The following FBXO10 variants were observed in gnomAD, a reference collection of about 807,000 sequenced individuals.
FBXO10 encodes F-box only protein 10.
In FBXO10, 39 loss-of-function variants were observed where a neutral mutation model predicts 80.7. The ratio of observed to expected loss-of-function variants is 0.48; its 90% CI spans 0.37 to 0.63. The LOEUF is 0.63. Ranked by LOEUF, FBXO10 falls within the 30% of genes least tolerant of loss-of-function variation. The pLI, the probability that FBXO10 is intolerant of heterozygous loss-of-function variation, is 0.00. For missense variants in FBXO10, 1,025 were observed against 1,269.0 expected (o/e 0.81, Z 2.92); for synonymous variants, 449 against 489.6 (o/e 0.92, Z 1.09).
Position 37,532,099 on chromosome 9 carries a change from A to C in FBXO10, c.1420-41T>G, listed in dbSNP as rs1332773022. On this transcript the variant is annotated intron_variant, in intron 3 of 10. Transcript: ENST00000432825. The stretch of plus-strand genomic sequence containing the variant: ...AAAGCCATTTATTTTCCTGTTACAA[A>C]TATTTTTTTAGAAACCACTGGAGGA... 8 of 1,579,932 alleles carry C rather than the reference A, an allele frequency of 5.1e-6. 1 individual carries two copies. The highest frequency in any genetic ancestry group is 6.9e-6 in the Non-Finnish European group (8 of 1,161,322).
At chr9:37,557,408 GT>G (rs998402276) in intron 1 of FBXO10, among the ~76,000 whole-genome samples, 1 of 152,174 alleles carries the variant, frequency 6.6e-6, no homozygotes, top group Non-Finnish European at 1.5e-5. Flanking sequence ...TAATTTGAAT[GT>G]TGCTTTTCTC....
At chr9:37,552,967 A>G (rs1333309862) in intron 1 of FBXO10, among the ~76,000 whole-genome samples, 20 of 151,796 alleles carry the variant, frequency 1.3e-4, no homozygotes, top group Admixed American at 1.2e-3. Flanking sequence ...CAATACATAC[A>G]TTTTGGGGGG....
intron 9 of FBXO10, among the ~76,000 whole-genome samples, chr9:37,517,625 G>A (rs952408843): frequency 1.5e-4 from 22 of 151,022 alleles, no homozygotes; most frequent in African/African-American, 5.1e-4. Flanking sequence ...TGGGAGGTGG[G>A]AGCTCAGGGA....
intron 1 of FBXO10, among the ~76,000 whole-genome samples, chr9:37,574,567 A>T (rs2119214581): frequency 6.6e-6 from 1 of 152,292 alleles, no homozygotes; most frequent in Middle Eastern, 3.4e-3. Context: ...AAAAGCCCTG[A>T]TAAAGCAGCT....
At chr9:37,522,617 C>G (rs1588826929) in intron 7 of FBXO10, 1 of 1,270,050 alleles carries the variant, frequency 7.9e-7, no homozygotes, top group East Asian at 2.7e-5. Flanking sequence ...TTCTGCTTTG[C>G]TAACCCCACG....
chr9:37,529,346 C>A, intron 4 of FBXO10, 86 bp from the exon 5 acceptor site: 1 of 1,445,826 alleles, frequency 6.9e-7, no homozygotes, highest in South Asian at 1.3e-5. Flanking sequence ...ACCTCCGCGG[C>A]AGGATGAACA....
intron 1 of FBXO10, among the ~76,000 whole-genome samples, chr9:37,546,151 AAAAG>A (rs1254466798): frequency 6.6e-6 from 1 of 152,132 alleles, no homozygotes; most frequent in Non-Finnish European, 1.5e-5. Flanking sequence ...CTAAAAAAAA[AAAAG>A]ACTGTGATTT....
chr9:37,559,010 C>T (rs766793130), intron 1 of FBXO10, among the ~76,000 whole-genome samples: 2 of 152,142 alleles, frequency 1.3e-5, no homozygotes, highest in Non-Finnish European at 2.9e-5. Flanking sequence ...CGAGGTTTCA[C>T]CATGGTCAGG....
chr9:37,516,777 C>T (rs767949285), intron 9 of FBXO10, among the ~76,000 whole-genome samples: 18 of 151,954 alleles, frequency 1.2e-4, no homozygotes, highest in Non-Finnish European at 2.5e-4. Flanking sequence ...TGAGACCAGC[C>T]TGACCAACAT....
In FBXO10 at chr9:37,572,084, C is replaced by T. The variant is rs183568363; in HGVS notation, c.-7+4127G>A. On this transcript the variant is annotated intron_variant, in intron 1 of 10. Transcript: ENST00000432825. The stretch of plus-strand genomic sequence containing the variant: ...ACAGTAAGCCATGATCACGCCACTG[C>T]AATCCAGCCTGGGTGACAAAGCAAG... Among the ~76,000 whole-genome samples, 156 of 151,976 alleles carry T rather than the reference C, an allele frequency of 1.0e-3. 1 individual carries two copies. The East Asian group carries it at 0.029, about 28-fold the overall frequency.
intron 3 of FBXO10, 108 bp downstream of exon 3, chr9:37,537,002 G>A: frequency 1.2e-6 from 1 of 832,328 alleles, no homozygotes; most frequent in Non-Finnish European, 1.9e-6. Context: ...TCAAGCGTGC[G>A]TGAATAAGTT....
intron 1 of FBXO10, among the ~76,000 whole-genome samples, chr9:37,550,047 T>C (rs527587984): frequency 6.6e-6 from 1 of 152,270 alleles, no homozygotes; most frequent in East Asian, 1.9e-4. Flanking sequence ...GAAATAATTT[T>C]ATAAGAAGAT....
chr9:37,565,316 G>A (rs1822576085), intron 1 of FBXO10, among the ~76,000 whole-genome samples: 1 of 152,106 alleles, frequency 6.6e-6, no homozygotes, highest in Non-Finnish European at 1.5e-5. Flanking sequence ...CCATAAAAAA[G>A]GGAAAGCCCT....
chr9:37,548,743 G>A (rs1408894183), intron 1 of FBXO10, among the ~76,000 whole-genome samples: 3 of 151,864 alleles, frequency 2.0e-5, no homozygotes, highest in Non-Finnish European at 2.9e-5. Context: ...GGATTACTAT[G>A]ACAGATCCTT....
chr9:37,566,727 T>C (rs770726412), intron 1 of FBXO10, among the ~76,000 whole-genome samples: 2 of 152,208 alleles, frequency 1.3e-5, no homozygotes, highest in Non-Finnish European at 2.9e-5. Flanking sequence ...CAAAGAGCCC[T>C]GTACACACAC....
At chr9:37,539,890 C>T (rs1464415049) in intron 2 of FBXO10, among the ~76,000 whole-genome samples, 2 of 152,144 alleles carry the variant, frequency 1.3e-5, no homozygotes, top group African/African-American at 4.8e-5. Flanking sequence ...CAAATGTTTG[C>T]TGTGGGGGTC....
chr9:37,547,352 G>C (rs113503146), intron 1 of FBXO10, among the ~76,000 whole-genome samples: 2 of 152,106 alleles, frequency 1.3e-5, no homozygotes, highest in African/African-American at 4.8e-5. Flanking sequence ...CACTTTGGGA[G>C]GTCCAGGTAG....
intron 1 of FBXO10, among the ~76,000 whole-genome samples, chr9:37,558,497 G>A (rs896724414): frequency 6.6e-6 from 1 of 152,146 alleles, no homozygotes; most frequent in Non-Finnish European, 1.5e-5. Flanking sequence ...TCTCCCAGAT[G>A]GGTTTCCCCC....
At chr9:37,536,229 T>C (rs1377745018) in intron 3 of FBXO10, among the ~76,000 whole-genome samples, 2 of 152,198 alleles carry the variant, frequency 1.3e-5, no homozygotes, top group Non-Finnish European at 2.9e-5. Context: ...GACCTTCCAA[T>C]AGCCAGTGAG....
Sources: gnomAD v4.1 joint callset for allele counts (sites outside exome capture counted in the v4.1 genomes callset) on GRCh38, gnomAD v4.1.1 for gene constraint, MANE v1.5 for transcripts, NCBI Gene and HGNC (gene_info 2026-07-23, HGNC 2026-07-21) for gene names.